Variants in GREB1 observed in about 807,000 individuals in gnomAD.
The protein encoded by GREB1 is protein GREB1.
A neutral mutation model predicts 200.7 loss-of-function variants in GREB1; 106 were observed. The observed-to-expected ratio is 0.53, with a 90% CI of 0.45 to 0.62. GREB1 has a LOEUF of 0.62. Among genes scored for constraint, GREB1 ranks in the 20% least tolerant of loss-of-function variants. The probability of loss-of-function intolerance (pLI) is 0.00; values close to 1 mark genes in which losing one functional copy is unlikely to be tolerated. For missense variants in GREB1, 2,243 were observed against 2,556.8 expected (o/e 0.88, Z 2.65); for synonymous variants, 1,132 against 1,092.4 (o/e 1.04, Z -0.72).
chr2:11,598,078 G>T, intron 14 of GREB1, 100 bp downstream of exon 14: 1 of 855,054 alleles, frequency 1.2e-6, no homozygotes, highest in Non-Finnish European at 2.0e-6. Flanking sequence ...GAGTGAATAG[G>T]GCAAGTATTG....
At chr2:11,535,460 T>C (rs1674249581) in intron 1 of GREB1, among the ~76,000 whole-genome samples, 1 of 152,178 alleles carries the variant, frequency 6.6e-6, no homozygotes, top group African/African-American at 2.4e-5. Context: ...AGGTACCATG[T>C]TGAATTAGAA....
intron 24 of GREB1, among the ~76,000 whole-genome samples, chr2:11,626,214 C>G (rs1684438994): frequency 6.6e-6 from 1 of 152,078 alleles, no homozygotes; most frequent in Non-Finnish European, 1.5e-5. Flanking sequence ...AGAATAGATC[C>G]CTTGCACTGA....
In GREB1 at chr2:11,580,767, A is replaced by AT; in HGVS notation, c.838dup (p.Ser280PhefsTer11). On this transcript the variant is annotated frameshift_variant, in exon 7 of 33. Coordinates refer to ENST00000381486, the MANE Select transcript of GREB1 (RefSeq NM_014668.4). LOFTEE classifies it high-confidence loss of function. The surrounding 1 kb of genome is among the most constrained non-coding windows in gnomAD (Gnocchi z 4.5). ...GGTCCGGCTGTTTTCAACGGCAAAG[A>AT]TTCCCCGAAGTGCCAACAACTGGCA... is the stretch of plus-strand genomic sequence containing the variant. 6.2e-7 allele frequency: 1 copy of AT among 1,614,206 alleles called. No homozygotes were observed. The highest frequency in any genetic ancestry group is 8.5e-7 in the Non-Finnish European group (1 of 1,180,032).
upstream of GREB1, among the ~76,000 whole-genome samples, chr2:11,532,933 A>G (rs1674130189): frequency 6.6e-6 from 1 of 152,196 alleles, no homozygotes; most frequent in African/African-American, 2.4e-5. Flanking sequence ...ACCTTATGAT[A>G]GAGGTATTAT....
At chr2:11,587,917 G>T in intron 9 of GREB1, 2 of 995,918 alleles carry the variant, frequency 2.0e-6, no homozygotes, top group Non-Finnish European at 2.4e-6. Flanking sequence ...ACCTCTGAGG[G>T]CTGTCCTCAG....
chr2:11,593,090 C>G lies in GREB1; in HGVS notation c.1660C>G (p.Arg554Gly). ...CTACGTGGTCATCATCTGCGCCTGC[C>G]GCAGCGCGGCCATCGACTCCTGCAT... is the stretch of plus-strand genomic sequence containing the variant. ...TNYVVIICAC[R>G]SAAIDSCIAV... Residue 554 changes from arginine to glycine, a missense_variant, in exon 11 of 33, where the codon CGC becomes GGC. By Grantham distance (125) the Arg-to-Gly change is moderately radical. This residue lies in a region of GREB1 where 1,178 missense variants were observed against 1,387.4 expected (regional missense o/e 0.85). Coordinates refer to ENST00000381486, the MANE Select transcript of GREB1 (RefSeq NM_014668.4). The G allele has an allele frequency of 1.2e-6, 2 of 1,609,482 alleles. No homozygotes were observed. Among genetic ancestry groups the G allele is most frequent in the Non-Finnish European group, 1.7e-6 (2 of 1,177,876 alleles).
chr2:11,511,893 G>A (rs1308413047), intron 1 of GREB1, among the ~76,000 whole-genome samples: 1 of 152,116 alleles, frequency 6.6e-6, no homozygotes, highest in African/African-American at 2.4e-5. Context: ...GCGCTGGTCC[G>A]TGGAGGAGAC....
At position 11,617,252 on chromosome 2, in the gene GREB1, C is replaced by T. The variant is rs530813086; in HGVS notation, c.3412+532C>T. Among the ~76,000 whole-genome samples, 22 of 152,324 alleles carry T rather than the reference C, an allele frequency of 1.4e-4. No individual in the cohort carries two copies. The East Asian group carries it at 2.1e-3, about 15-fold the overall frequency. On this transcript the variant is annotated intron_variant, in intron 21 of 32. Coordinates refer to ENST00000381486, the MANE Select transcript of GREB1 (RefSeq NM_014668.4). ...CTGCCCTAAGGGGTTCCTCTGTCTC[C>T]GAGAGTAGTCAGGATCCCGCAGAGG...
intron 1 of GREB1, among the ~76,000 whole-genome samples, chr2:11,490,390 C>T (rs953438927): frequency 1.3e-4 from 20 of 152,288 alleles, no homozygotes; most frequent in East Asian, 7.7e-4. Flanking sequence ...ATCAGAACTT[C>T]GTTTCTTTAT....
intron 17 of GREB1, among the ~76,000 whole-genome samples, chr2:11,607,540 AC>A (rs1318855023): frequency 1.4e-5 from 2 of 146,396 alleles, no homozygotes; most frequent in Non-Finnish European, 3.0e-5. Flanking sequence ...ACATATATAT[AC>A]ATATATGTAC....
At chr2:11,639,031 C>T (rs753104204) in intron 32 of GREB1, among the ~76,000 whole-genome samples, 1 of 152,186 alleles carries the variant, frequency 6.6e-6, no homozygotes, top group Non-Finnish European at 1.5e-5. Flanking sequence ...AGGCAAGACA[C>T]ATCCCCCTTT....
At position 11,580,822 on chromosome 2, in the gene GREB1, A is replaced by G. The variant is rs750759720; in HGVS notation, c.891A>G (p.Pro297=). The change falls in exon 7 of 33, where the codon CCA becomes CCG. Residue 297 remains proline (P), a synonymous_variant. Transcript: ENST00000381486. The surrounding 1 kb of genome is among the most constrained non-coding windows in gnomAD (Gnocchi z 4.5). ...ATAACCTGTTGGCCCTGCCGCGACC[A>G]TCGGCTTTAGGTAGCTCTGCCTGTC... The part of the protein sequence containing the change: ...AKNNLLALPR[P]SALGILSNSG... 2.5e-6 allele frequency: 4 copies of G among 1,614,252 alleles called. No homozygotes were observed. In the Admixed American group the frequency reaches 5.0e-5, roughly 20 times the overall value.
intron 1 of GREB1, among the ~76,000 whole-genome samples, chr2:11,519,449 GTTTTTTTTT>G (rs70955804): frequency 3.9e-5 from 3 of 76,974 alleles, no homozygotes; most frequent in Admixed American, 1.9e-4. Context: ...ACTTGTTTTG[GTTTTTTTTT>G]TTTTTTTTTT....
At chr2:11,522,005 A>C (rs1673720830) in intron 1 of GREB1, among the ~76,000 whole-genome samples, 1 of 152,126 alleles carries the variant, frequency 6.6e-6, no homozygotes, top group African/African-American at 2.4e-5. Context: ...CTTTAAACTC[A>C]AAATACGGAG....
intron 9 of GREB1, chr2:11,587,502 C>T: frequency 2.5e-6 from 4 of 1,595,848 alleles, no homozygotes; most frequent in Non-Finnish European, 3.4e-6. Context: ...GGCCCCACTT[C>T]TGCATCAGAA....
chr2:11,510,704 T>C (rs961690662), intron 1 of GREB1, among the ~76,000 whole-genome samples: 1 of 151,438 alleles, frequency 6.6e-6, no homozygotes, highest in East Asian at 1.9e-4. Flanking sequence ...TTTTTTTTTT[T>C]TTGAGACGGA....
At position 11,630,097 on chromosome 2, in the gene GREB1, C is replaced by G. The variant is rs544330451; in HGVS notation, c.4599C>G (p.Leu1533=). 9.3e-6 allele frequency: 15 copies of G among 1,614,018 alleles called. No homozygotes were observed. The South Asian group carries it at 1.5e-4, about 17-fold the overall frequency. ...AGCTGGAGAGCATGCGACTACCCCT[C>G]GTGACAGACAAGGTACTGGCTCAGA... ...GGQLESMRLP[L]VTDKSHEYIK... Residue 1533 remains leucine (L), a synonymous_variant, in exon 26 of 33, where the codon CTC becomes CTG. Transcript: ENST00000381486.
chr2:11,521,377 C>T (rs980975762), intron 1 of GREB1, among the ~76,000 whole-genome samples: 42 of 152,150 alleles, frequency 2.8e-4, no homozygotes, highest in African/African-American at 9.9e-4. Context: ...CCTAAAATGC[C>T]GAGAGTACAG....
intron 19 of GREB1, among the ~76,000 whole-genome samples, chr2:11,614,568 GTTTGT>G (rs1683226224): frequency 6.6e-6 from 1 of 151,060 alleles, no homozygotes; most frequent in Non-Finnish European, 1.5e-5. Flanking sequence ...TGTTGTTGTT[GTTTGT>G]TTTGTTTTGA....
Sources: gnomAD v4.1 joint callset for allele counts (sites outside exome capture counted in the v4.1 genomes callset) on GRCh38, gnomAD v4.1.1 for gene constraint, gnomAD v4.1.1 regional missense constraint, Gnocchi (gnomAD v3.1) non-coding constraint, MANE v1.5 for transcripts, NCBI Gene and HGNC (gene_info 2026-07-23, HGNC 2026-07-21) for gene names.